Variants in PAK4 observed in about 807,000 individuals in gnomAD.
The protein encoded by PAK4 is serine/threonine-protein kinase PAK 4.
A neutral mutation model predicts 53.5 loss-of-function variants in PAK4; 49 were observed. That is an observed-to-expected ratio of 0.92 (90% confidence interval 0.73 to 1.16). PAK4 has a LOEUF of 1.16. Among genes scored for constraint, PAK4 ranks in the 50% most tolerant of loss-of-function variants. PAK4 has a pLI of 0.00. For missense variants in PAK4, 824 were observed against 850.7 expected (o/e 0.97, Z 0.39); for synonymous variants, 376 against 375.6 (o/e 1.00, Z -0.01).
In PAK4 at chr19:39,149,103, C is replaced by T. The variant is rs77673947; in HGVS notation, c.-22-20429C>T. Among the ~76,000 whole-genome samples the T allele has an allele frequency of 4.6e-5, 7 of 152,292 alleles. No homozygotes were observed. In the East Asian group the frequency reaches 9.6e-4, roughly 21 times the overall value. Reference sequence around the variant, plus strand: ...AATGTAAAATGGTGCTGTCGCTGTTCGGCATAGAATTACCTTGTGACCCAG... The same window carrying T: ...AATGTAAAATGGTGCTGTCGCTGTTTGGCATAGAATTACCTTGTGACCCAG... On this transcript the variant is annotated intron_variant, in intron 1 of 8. Transcript: ENST00000358301.
At chr19:39,149,364 A>T (rs956294836) in intron 1 of PAK4, among the ~76,000 whole-genome samples, 8 of 152,338 alleles carry the variant, frequency 5.3e-5, no homozygotes, top group African/African-American at 1.7e-4. Context: ...TCTTGAAAAC[A>T]TTATGCTTAG....
At chr19:39,159,224 T>C (rs145998283) in intron 1 of PAK4, among the ~76,000 whole-genome samples, 4 of 152,234 alleles carry the variant, frequency 2.6e-5, no homozygotes, top group Non-Finnish European at 4.4e-5. Flanking sequence ...GCTGAGCCCC[T>C]GTACTGCGCC....
intron 1 of PAK4, among the ~76,000 whole-genome samples, chr19:39,158,737 A>G (rs980810632): frequency 4.6e-5 from 7 of 152,126 alleles, no homozygotes; most frequent in African/African-American, 1.7e-4. Context: ...TGCGCTGGGC[A>G]AGCCTGGGGA....
rs1402478919 is a variant in PAK4, at chr19:39,177,568, C to T, written c.1486-107C>T. The T allele has an allele frequency of 7.1e-6, 9 of 1,271,876 alleles. No homozygotes were observed. The Admixed American group carries it at 8.0e-5, about 11-fold the overall frequency. The allele number at this position is 1,271,876 out of a possible 1,614,324, so 78.8% of individuals were successfully genotyped here. ...AAGAGGGAGTTCTGGGCCAAGGACT[C>T]CAGGAGCCAGAGGCAGAGACAGCGC... On this transcript the variant is annotated intron_variant, in intron 7 of 8. Transcript: ENST00000358301.
At chr19:39,132,135 T>C (rs1675117463) in intron 1 of PAK4, among the ~76,000 whole-genome samples, 2 of 152,234 alleles carry the variant, frequency 1.3e-5, no homozygotes, top group Non-Finnish European at 2.9e-5. Flanking sequence ...TCTATGAGCA[T>C]GGTCATGTGG....
At chr19:39,150,759 A>G (rs1443422735) in intron 1 of PAK4, among the ~76,000 whole-genome samples, 1 of 152,124 alleles carries the variant, frequency 6.6e-6, no homozygotes, top group East Asian at 1.9e-4. Flanking sequence ...AAAAAAATGT[A>G]AAAACCCAGG....
intron 1 of PAK4, among the ~76,000 whole-genome samples, chr19:39,165,688 T>G (rs1411650460): frequency 6.6e-6 from 1 of 152,170 alleles, no homozygotes; most frequent in Non-Finnish European, 1.5e-5. Context: ...CATGTCTGCC[T>G]CTCACTGGCT....
chr19:39,142,607 A>G (rs1321973148), intron 1 of PAK4, among the ~76,000 whole-genome samples: 1 of 152,166 alleles, frequency 6.6e-6, no homozygotes, highest in Non-Finnish European at 1.5e-5. Context: ...CCCGGCTTCA[A>G]GTAAACCAGT....
chr19:39,131,196 C>T (rs2073703700), intron 1 of PAK4, among the ~76,000 whole-genome samples: 1 of 152,144 alleles, frequency 6.6e-6, no homozygotes, highest in Non-Finnish European at 1.5e-5. Flanking sequence ...ACTGGGGCTG[C>T]CCTCCCGTGG....
intron 1 of PAK4, among the ~76,000 whole-genome samples, chr19:39,144,160 AT>A (rs373770661): frequency 0.33 from 44,000 of 134,884 alleles, 7,188 homozygotes; most frequent in Non-Finnish European, 0.38. Flanking sequence ...AGATAGATAG[AT>A]TAGATTAGAT....
intron 1 of PAK4, among the ~76,000 whole-genome samples, chr19:39,151,611 C>T (rs547088542): frequency 1.3e-5 from 2 of 152,328 alleles, no homozygotes; most frequent in Admixed American, 1.3e-4. Context: ...GGTCCTTCCA[C>T]ACAGCTGCCA....
At position 39,161,869 on chromosome 19, in the gene PAK4, C is replaced by T. The variant is rs2074290293; in HGVS notation, c.-22-7663C>T. Among the ~76,000 whole-genome samples the T allele has an allele frequency of 6.6e-6, 1 of 152,132 alleles. No homozygotes were observed. Among genetic ancestry groups the T allele is most frequent in the Non-Finnish European group, 1.5e-5 (1 of 68,024 alleles). ...GGGCTGCCCTTCCTCCAGAGCCCTA[C>T]ATGGCTCCCTCTCCCCTCCTCACGC... is the stretch of plus-strand genomic sequence containing the variant. On this transcript the variant is annotated intron_variant, in intron 1 of 8. Transcript: ENST00000358301. The surrounding 1 kb of genome is among the most constrained non-coding windows in gnomAD (Gnocchi z 4.5).
rs546696263 is a variant in PAK4 at position 39,132,931 on chromosome 19, A to G, written c.-23+7012A>G. 2.6e-5 allele frequency among the ~76,000 whole-genome samples: 4 copies of G among 152,336 alleles called. No individual in the cohort carries two copies. In the South Asian group the frequency reaches 8.3e-4, roughly 32 times the overall value. On this transcript the variant is annotated intron_variant, in intron 1 of 8. Transcript: ENST00000358301. ...GGACAGCTTTGTGTTGTTGAAAGCC[A>G]TCTTGAGCTTCCTTTTCTTGGAGCT...
intron 1 of PAK4, among the ~76,000 whole-genome samples, chr19:39,167,431 A>G (rs2144805985): frequency 6.6e-6 from 1 of 151,840 alleles, no homozygotes; most frequent in Non-Finnish European, 1.5e-5. Flanking sequence ...GCCATGAGAG[A>G]GTAGGTCAGG....
At chr19:39,172,730 C>G (rs940611482) in intron 2 of PAK4, among the ~76,000 whole-genome samples, 188 bp from the exon 4 acceptor site, 1 of 152,138 alleles carries the variant, frequency 6.6e-6, no homozygotes, top group Non-Finnish European at 1.5e-5. Context: ...CCTCTGGCCC[C>G]TGCAGCTGTG....
intron 1 of PAK4, among the ~76,000 whole-genome samples, chr19:39,166,149 C>T (rs144573032): frequency 8.5e-5 from 13 of 152,332 alleles, no homozygotes; most frequent in African/African-American, 2.4e-4. Context: ...CTCTGTTCTG[C>T]GTAATTCCTT....
exon 5 of PAK4, chr19:39,174,940 A>G (rs2074570679): frequency 6.2e-7 from 1 of 1,613,712 alleles, no homozygotes. Context: ...GGTGGTAATC[A>G]TGAGGGACTA....
intron 1 of PAK4, among the ~76,000 whole-genome samples, chr19:39,151,536 A>G (rs1253139092): frequency 6.6e-6 from 1 of 152,224 alleles, no homozygotes; most frequent in East Asian, 1.9e-4. Flanking sequence ...TTGCCGCACC[A>G]TTTATAAGAG....
At chr19:39,160,182 TC>T (rs1272322542) in intron 1 of PAK4, among the ~76,000 whole-genome samples, 1 of 152,170 alleles carries the variant, frequency 6.6e-6, no homozygotes, top group African/African-American at 2.4e-5. Context: ...AGGTCAGACT[TC>T]CAGGGAGTGA....
Sources: gnomAD v4.1 joint callset for allele counts (sites outside exome capture counted in the v4.1 genomes callset) on GRCh38, gnomAD v4.1.1 for gene constraint, Gnocchi (gnomAD v3.1) non-coding constraint, MANE v1.5 for transcripts, NCBI Gene and HGNC (gene_info 2026-07-23, HGNC 2026-07-21) for gene names.